The following ATG2B variants were observed in gnomAD, a reference collection of about 807,000 sequenced individuals.
ATG2B encodes the protein autophagy related 2B.
ATG2B carries 121 observed loss-of-function variants against 241.3 expected under a neutral mutation model. The observed-to-expected ratio is 0.50, with a 90% CI of 0.43 to 0.58. ATG2B has a LOEUF of 0.58. Ranked by LOEUF, ATG2B falls within the 20% of genes least tolerant of loss-of-function variation. ATG2B has a pLI of 0.00. For synonymous variants in ATG2B, 858 were observed against 876.6 expected (o/e 0.98, Z 0.37); for missense variants, 2,306 against 2,491.6 (o/e 0.93, Z 1.59).
chr14:96,304,668 T>C (rs1407959902), intron 31 of ATG2B, 65 bp from the exon 32 acceptor site: 2 of 1,231,660 alleles, frequency 1.6e-6, no homozygotes, highest in Non-Finnish European at 1.2e-6. Flanking sequence ...AGTCAATGAA[T>C]GACATTAAGG....
rs762574433 is a variant in ATG2B at position 96,317,831 on chromosome 14, C to T, written c.2904G>A (p.Trp968Ter). 6.2e-7 allele frequency: 1 copy of T among 1,610,036 alleles called. No homozygotes were observed. The highest frequency in any genetic ancestry group is 2.2e-5 in the East Asian group (1 of 44,782). ...YNRIFNDLLL[W>*]EPTAPSPVET... ...CCACTGGTGAAGGAGCTGTTGGTTCCCACAGTAGCAAGTCATTAAAGATCC... is the reference window on the plus strand; with the variant it reads ...CCACTGGTGAAGGAGCTGTTGGTTCTCACAGTAGCAAGTCATTAAAGATCC... Residue 968 changes from tryptophan to a stop codon, truncating the protein, a stop_gained, in exon 19 of 42, where the codon TGG becomes TGA. Coordinates refer to ENST00000359933, the MANE Select transcript of ATG2B (RefSeq NM_018036.7). LOFTEE classifies it high-confidence loss of function.
At chr14:96,299,426 T>C (rs1886731042) in intron 34 of ATG2B, among the ~76,000 whole-genome samples, 1 of 152,242 alleles carries the variant, frequency 6.6e-6, no homozygotes, top group African/African-American at 2.4e-5. Context: ...CAGTCTTCTA[T>C]AAAGAGATCC....
rs777123624 is a variant in ATG2B at position 96,362,778 on chromosome 14, AGCGAGCCCCGCCCGGCTC to A, written c.162+19_162+36del. On this transcript the variant is annotated intron_variant, in intron 1 of 41. Coordinates refer to ENST00000359933, the MANE Select transcript of ATG2B (RefSeq NM_018036.7). ...TGGTTCAAAGCGCCCTAAAGAGGGGAGCGAGCCCCGCCCGGCTCGCCGCCGGCAGCTCTTACCCATTTG... is the reference window on the plus strand; with the variant it reads ...TGGTTCAAAGCGCCCTAAAGAGGGGAGCCGCCGGCAGCTCTTACCCATTTG... The A allele has an allele frequency of 6.3e-7, 1 of 1,579,840 alleles. No individual in the cohort carries two copies. Among genetic ancestry groups the A allele is most frequent in the African/African-American group, 1.4e-5 (1 of 73,662 alleles).
intron 18 of ATG2B, among the ~76,000 whole-genome samples, chr14:96,321,336 C>T (rs1887451356): frequency 1.3e-5 from 2 of 152,172 alleles, no homozygotes; most frequent in Non-Finnish European, 2.9e-5. Context: ...ACACTAAGGA[C>T]TTCTTTTTCT....
intron 6 of ATG2B, among the ~76,000 whole-genome samples, chr14:96,336,072 C>T (rs920019362): frequency 1.3e-5 from 2 of 151,520 alleles, no homozygotes; most frequent in African/African-American, 4.9e-5. Flanking sequence ...CAATAAAATG[C>T]ATTCCTAAAA....
Position 96,344,636 on chromosome 14 carries a change from A to C in ATG2B, c.581+18T>G. 6.9e-7 allele frequency: 1 copy of C among 1,453,094 alleles called. No homozygotes were observed. Among genetic ancestry groups the C allele is most frequent in the South Asian group, 1.2e-5 (1 of 82,668 alleles). The allele number at this position is 1,453,094 out of a possible 1,614,324, so 90.0% of individuals were successfully genotyped here. A position where few individuals can be genotyped will look rare whatever the true frequency, so the allele number is the denominator to read the frequency against. On this transcript the variant is annotated intron_variant, in intron 4 of 41. Coordinates refer to ENST00000359933, the MANE Select transcript of ATG2B (RefSeq NM_018036.7). ...AGTTACAATAGGGTCATTTATTTTC[A>C]GACATAAGAATTCTTACCTTTCTAT... is the stretch of plus-strand genomic sequence containing the variant.
At position 96,302,043 on chromosome 14, in the gene ATG2B, T is replaced by G. The variant is rs74719094; in HGVS notation, c.5103A>C (p.Arg1701Ser). The stretch of plus-strand genomic sequence containing the variant: ...TGAGGCGGAGCGGCATCAGCGACAC[T>G]CTCAAGCAGCACTCCTGTGGGGACC... ...SGRSPQECCL[R>S]VSLMPLRLNI... is the part of the protein sequence containing the mutation. The change falls in exon 34 of 42, where the codon AGA (arginine) becomes AGC (serine). Residue 1701 changes from arginine to serine, a missense_variant. Arg to Ser is a moderately radical substitution (Grantham distance 110). Around this residue, in one of 2 missense-constraint regions of ATG2B, gnomAD observed 379 missense variants for 480.4 expected, o/e 0.79. Transcript: ENST00000359933. The G allele has an allele frequency of 5.2e-3, 8,404 of 1,613,936 alleles. 582 individuals carry two copies. The Admixed American group carries it at 0.13, about 24-fold the overall frequency.
Position 96,289,489 on chromosome 14 carries a change from C to A in ATG2B, c.6006+167G>T. The stretch of plus-strand genomic sequence containing the variant: ...GTCAGCCTATTGGTCCCAGACTGGC[C>A]CTTTTCCATCACCTCACACAGATAT... On this transcript the variant is annotated intron_variant, in intron 41 of 41. Coordinates refer to ENST00000359933, the MANE Select transcript of ATG2B (RefSeq NM_018036.7). This position sits in a 1 kb window ranked among gnomAD's most constrained non-coding sequence, Gnocchi z 4.3. The A allele has an allele frequency of 1.3e-6, 1 of 762,956 alleles. No homozygotes were observed. The highest frequency in any genetic ancestry group is 2.1e-6 in the Non-Finnish European group (1 of 476,066). The allele number at this position is 762,956 out of a possible 1,614,324, so 47.3% of individuals were successfully genotyped here.
In ATG2B at chr14:96,304,532, C is replaced by A; in HGVS notation, c.4805G>T (p.Arg1602Met). ...TATTTCCATTAAAAAGTCATGGTTC[C>A]TTCCTTTTCCCCCACATACTGTATT... is the stretch of plus-strand genomic sequence containing the variant. ...GRNTVCGGKG[R>M]NHDFLMEIQL... is the part of the protein sequence containing the mutation. The change falls in exon 32 of 42, where the codon AGG becomes ATG. Residue 1602 changes from arginine to methionine, a missense_variant. Transcript: ENST00000359933. 1 of 1,612,506 alleles carries A rather than the reference C, an allele frequency of 6.2e-7. No individual in the cohort carries two copies. Among genetic ancestry groups the A allele is most frequent in the Non-Finnish European group, 8.5e-7 (1 of 1,179,416 alleles).
intron 1 of ATG2B, among the ~76,000 whole-genome samples, chr14:96,352,951 C>A (rs1403975347): frequency 6.6e-6 from 1 of 152,196 alleles, no homozygotes; most frequent in African/African-American, 2.4e-5. Context: ...TCTAGTCCTG[C>A]AAGCTCCATT....
In ATG2B at chr14:96,341,370, G is replaced by C. The variant is rs978484533; in HGVS notation, c.924+152C>G. 3 of 509,538 alleles carry C rather than the reference G, an allele frequency of 5.9e-6. No homozygotes were observed. In the Admixed American group the frequency reaches 1.2e-4, roughly 21 times the overall value. The allele number at this position is 509,538 out of a possible 1,614,324, so 31.6% of individuals were successfully genotyped here. On this transcript the variant is annotated intron_variant, in intron 6 of 41. Coordinates refer to ENST00000359933, the MANE Select transcript of ATG2B (RefSeq NM_018036.7). The stretch of plus-strand genomic sequence containing the variant: ...ATAAATTTTGTGACCTAGGATAGAA[G>C]CATCAACTGAGAGTAAAAATGCTAA...
chr14:96,302,212 T>C (rs1346070460), intron 33 of ATG2B, 104 bp from the exon 34 acceptor site: 1 of 691,366 alleles, frequency 1.4e-6, no homozygotes, highest in Non-Finnish European at 2.4e-6. Flanking sequence ...CTATACCATA[T>C]GAGAAAAAGA....
At chr14:96,350,147 C>A (rs1358631584) in intron 1 of ATG2B, among the ~76,000 whole-genome samples, 1 of 152,048 alleles carries the variant, frequency 6.6e-6, no homozygotes, top group Non-Finnish European at 1.5e-5. Context: ...CTTAGTAAGA[C>A]CCTGTCTCAA....
At chr14:96,319,493 T>C (rs1349465078) in intron 18 of ATG2B, among the ~76,000 whole-genome samples, 1 of 152,038 alleles carries the variant, frequency 6.6e-6, no homozygotes, top group Non-Finnish European at 1.5e-5. Context: ...ACCATACTGC[T>C]AAAAACAGCC....
chr14:96,295,277 G>T, intron 35 of ATG2B, 110 bp from the exon 36 acceptor site: 1 of 1,091,204 alleles, frequency 9.2e-7, no homozygotes, highest in Non-Finnish European at 1.3e-6. Flanking sequence ...ATCAAAATAC[G>T]ATTCTTGTTA....
intron 15 of ATG2B, 58 bp downstream of exon 15, chr14:96,325,591 T>G: frequency 2.7e-6 from 4 of 1,495,030 alleles, no homozygotes; most frequent in Non-Finnish European, 3.6e-6. Context: ...GATGTTAAGT[T>G]TCAGTAGCAG....
At chr14:96,339,544 A>T (rs1887957509) in intron 6 of ATG2B, among the ~76,000 whole-genome samples, 1 of 152,028 alleles carries the variant, frequency 6.6e-6, no homozygotes, top group Non-Finnish European at 1.5e-5. Flanking sequence ...ACTCAGCCAT[A>T]AAAAGGAACA....
chr14:96,308,234 A>G (rs1566719576), intron 29 of ATG2B, among the ~76,000 whole-genome samples: 1 of 11,802 alleles, frequency 8.5e-5, no homozygotes, highest in Non-Finnish European at 2.2e-4. Flanking sequence ...ATATATACAT[A>G]TATATATATA....
intron 28 of ATG2B, among the ~76,000 whole-genome samples, chr14:96,310,584 T>C (rs556856592): frequency 1.3e-4 from 20 of 152,336 alleles, no homozygotes; most frequent in African/African-American, 4.3e-4. Context: ...TGCTACTCTT[T>C]AGAGCAATCA....
Sources: gnomAD v4.1 joint callset for allele counts (sites outside exome capture counted in the v4.1 genomes callset) on GRCh38, gnomAD v4.1.1 for gene constraint, gnomAD v4.1.1 regional missense constraint, Gnocchi (gnomAD v3.1) non-coding constraint, MANE v1.5 for transcripts, NCBI Gene and HGNC (gene_info 2026-07-23, HGNC 2026-07-21) for gene names.